The following TENM4 variants were observed in gnomAD, a reference collection of about 807,000 sequenced individuals.
TENM4 encodes the protein teneurin transmembrane protein 4.
In TENM4, 82 loss-of-function variants were observed where a neutral mutation model predicts 243.3. That is an observed-to-expected ratio of 0.34 (90% CI 0.28 to 0.40). The LOEUF (loss-of-function observed/expected upper bound fraction) is 0.40. TENM4 is among the 10% of genes least tolerant of loss of function. TENM4 has a pLI of 1.00. For synonymous variants in TENM4, 1,412 were observed against 1,456.3 expected, an observed-to-expected ratio of 0.97 and a Z score of 0.69; for missense variants, 3,138 against 3,673.3, an observed-to-expected ratio of 0.85 and a Z score of 3.77.
intron 6 of TENM4, among the ~76,000 whole-genome samples, chr11:78,996,719 G>C (rs1310918657): frequency 6.6e-6 from 1 of 152,174 alleles, no homozygotes; most frequent in Non-Finnish European, 1.5e-5. Flanking sequence ...GGTTAGCATG[G>C]AGTCAAGGTG....
intron 1 of TENM4, among the ~76,000 whole-genome samples, chr11:79,304,483 G>A (rs557373223): frequency 2.6e-5 from 4 of 152,214 alleles, no homozygotes; most frequent in Admixed American, 6.5e-5. Context: ...TTAATTATCA[G>A]GCCTTGGATT....
chr11:79,411,457 G>T (rs1397725), intron 1 of TENM4, among the ~76,000 whole-genome samples: 150,781 of 152,328 alleles, frequency 0.99, 74,683 homozygotes, highest in Middle Eastern at 1. Context: ...TTGCTCTCCA[G>T]CGTGAAGCAA....
intron 10 of TENM4, 87 bp from the exon 11 acceptor site, chr11:78,856,265 T>G: frequency 1.7e-6 from 2 of 1,166,504 alleles, no homozygotes; most frequent in South Asian, 2.8e-5. Context: ...CACCCGGGAC[T>G]CTCCTTAGCC....
At chr11:79,427,511 C>T (rs983136065) in intron 1 of TENM4, among the ~76,000 whole-genome samples, 15 of 152,108 alleles carry the variant, frequency 9.9e-5, no homozygotes, top group Admixed American at 9.8e-4. Context: ...TAATGTGCTC[C>T]AAATTATGGT....
intron 6 of TENM4, among the ~76,000 whole-genome samples, chr11:79,032,932 C>T (rs1422473001): frequency 1.3e-5 from 2 of 152,112 alleles, no homozygotes; most frequent in African/African-American, 4.8e-5. Flanking sequence ...ATGCTGGTGA[C>T]TGGCTTATTT....
chr11:79,093,954 T>C (rs1861018906), intron 4 of TENM4: 1 of 152,202 alleles, frequency 6.6e-6, no homozygotes, highest in African/African-American at 2.4e-5. Context: ...TGAATTTAAG[T>C]TTCTAATTAA....
chr11:78,863,205 A>T, intron 9 of TENM4, 73 bp from the exon 10 acceptor site: 2 of 1,415,924 alleles, frequency 1.4e-6, no homozygotes, highest in Non-Finnish European at 1.9e-6. Context: ...CATAAGGGAA[A>T]GGTGGGCAGG....
At chr11:79,128,788 A>T (rs530865149) in intron 4 of TENM4, among the ~76,000 whole-genome samples, 1 of 152,332 alleles carries the variant, frequency 6.6e-6, no homozygotes, top group African/African-American at 2.4e-5. Flanking sequence ...CAGATGTGTG[A>T]TTATATATGA....
At chr11:79,094,076 C>T (rs1375984786) in intron 4 of TENM4, among the ~76,000 whole-genome samples, 1 of 152,220 alleles carries the variant, frequency 6.6e-6, no homozygotes, top group Non-Finnish European at 1.5e-5. Context: ...AGCCCATCTC[C>T]ATCATGGCGG....
At chr11:79,109,579 G>A (rs542474446) in intron 4 of TENM4, among the ~76,000 whole-genome samples, 1 of 152,316 alleles carries the variant, frequency 6.6e-6, no homozygotes, top group African/African-American at 2.4e-5. Context: ...TCAAATCCCA[G>A]CCCACGCAAG....
chr11:79,368,873 G>A (rs969684609), intron 1 of TENM4, among the ~76,000 whole-genome samples: 2 of 152,212 alleles, frequency 1.3e-5, no homozygotes, highest in Non-Finnish European at 2.9e-5. Flanking sequence ...GTCTCGCGGA[G>A]ATGTGTGGAG....
At position 79,384,496 on chromosome 11, in the gene TENM4, G is replaced by A. The variant is rs137904688; in HGVS notation, c.-321+56013C>T. On this transcript the variant is annotated intron_variant, in intron 1 of 33. Transcript: ENST00000278550. ...TTCTGAGCTCCTGGTCTGAGATGCG[G>A]GGGGGTTGAATTTCAGTCCCAGTCT... Among the ~76,000 whole-genome samples the A allele has an allele frequency of 2.0e-5, 3 of 152,234 alleles. No homozygotes were observed. The East Asian group carries it at 5.8e-4, about 29-fold the overall frequency.
intron 7 of TENM4, among the ~76,000 whole-genome samples, chr11:78,892,103 G>A (rs1425332116): frequency 2.0e-5 from 3 of 152,168 alleles, no homozygotes; most frequent in African/African-American, 7.2e-5. Context: ...GGAGCTCCAC[G>A]GAAGACAAAA....
At chr11:79,122,069 G>C (rs769126581) in intron 4 of TENM4, among the ~76,000 whole-genome samples, 3 of 152,118 alleles carry the variant, frequency 2.0e-5, no homozygotes, top group Non-Finnish European at 2.9e-5. Context: ...AGAGATTCAG[G>C]ATTGCTGCTG....
chr11:78,983,880 C>CCCAAACAGGA (rs1857861301), intron 6 of TENM4, among the ~76,000 whole-genome samples: 1 of 152,196 alleles, frequency 6.6e-6, no homozygotes, highest in African/African-American at 2.4e-5. Context: ...TTCTTTGTGA[C>CCCAAACAGGA]CTTGAGCAAA....
intron 9 of TENM4, among the ~76,000 whole-genome samples, chr11:78,871,137 C>G (rs1175302503): frequency 1.3e-5 from 2 of 152,154 alleles, no homozygotes; most frequent in African/African-American, 4.8e-5. Context: ...AGCACAGCCT[C>G]TGGAGCCAGA....
intron 9 of TENM4, among the ~76,000 whole-genome samples, chr11:78,881,289 T>G (rs925698924): frequency 5.9e-5 from 9 of 152,194 alleles, no homozygotes; most frequent in African/African-American, 1.9e-4. Flanking sequence ...TTCACCCTGC[T>G]CTGTGCCCTG....
At chr11:78,941,596 C>T (rs1463263827) in intron 6 of TENM4, among the ~76,000 whole-genome samples, 10 of 138,936 alleles carry the variant, frequency 7.2e-5, no homozygotes, top group East Asian at 4.9e-4. Context: ...GGCGCCGGGG[C>T]GGGGTGGGGT....
chr11:79,333,609 A>G (rs977106656), intron 1 of TENM4, among the ~76,000 whole-genome samples: 2 of 152,310 alleles, frequency 1.3e-5, no homozygotes, highest in East Asian at 3.9e-4. Flanking sequence ...CCCACAAGCA[A>G]CTTTTCAACC....
Sources: allele counts gnomAD v4.1 joint callset (sites outside exome capture counted in the v4.1 genomes callset), GRCh38; gene constraint gnomAD v4.1.1; transcripts MANE v1.5; gene names NCBI Gene and HGNC (gene_info 2026-07-23, HGNC 2026-07-21).